DNM3: variants seen among roughly 807,000 people sequenced by gnomAD.
DNM3 encodes dynamin-3.
In DNM3, 47 loss-of-function variants were observed where a neutral mutation model predicts 101.6. That is an observed-to-expected ratio of 0.46 (90% confidence interval 0.37 to 0.59). The LOEUF is 0.59. Ranked by LOEUF, DNM3 falls within the 20% of genes least tolerant of loss-of-function variation. The pLI is 0.00. For missense variants in DNM3, 849 were observed against 1,085.7 expected (o/e 0.78, Z 3.06); for synonymous variants, 385 against 387.9 (o/e 0.99, Z 0.09).
intron 1 of DNM3, among the ~76,000 whole-genome samples, chr1:171,859,411 A>C (rs900907869): frequency 6.6e-6 from 1 of 152,132 alleles, no homozygotes; most frequent in Non-Finnish European, 1.5e-5. Flanking sequence ...CTATCACTAA[A>C]TTGTGAGCCT....
chr1:172,198,742 T>C (rs2060045175), intron 14 of DNM3, among the ~76,000 whole-genome samples: 2 of 152,084 alleles, frequency 1.3e-5, no homozygotes, highest in African/African-American at 4.8e-5. Context: ...TTTATTTCTG[T>C]GGGTTAAGTA....
At chr1:172,391,530 G>GA (rs2149087276) in intron 20 of DNM3, among the ~76,000 whole-genome samples, 1 of 152,268 alleles carries the variant, frequency 6.6e-6, no homozygotes, top group African/African-American at 2.4e-5. Context: ...AAGAGAGAAC[G>GA]AGAGAAAGAA....
chr1:171,871,068 A>C (rs746672393), intron 1 of DNM3, among the ~76,000 whole-genome samples: 1 of 152,210 alleles, frequency 6.6e-6, no homozygotes, highest in African/African-American at 2.4e-5. Context: ...ATTCCAAAAG[A>C]TCTCAAATGG....
chr1:172,027,174 A>G (rs912153821), intron 4 of DNM3, among the ~76,000 whole-genome samples: 2 of 152,222 alleles, frequency 1.3e-5, no homozygotes, highest in African/African-American at 4.8e-5. Context: ...GACACTATGA[A>G]GAAACTGCAT....
chr1:171,853,143 G>A (rs1362364991), intron 1 of DNM3, among the ~76,000 whole-genome samples: 2 of 151,948 alleles, frequency 1.3e-5, no homozygotes, highest in Non-Finnish European at 2.9e-5. Flanking sequence ...GTGGTTAAGG[G>A]TGTTTTAGAG....
In DNM3 at chr1:172,132,842, CT is replaced by C; in HGVS notation, c.1659+1561del. ...GAGAAAACTAAAAATAAAACAAAAC[CT>C]TTTTTTAAAAAAGTCTTTTCTACAG... On this transcript the variant is annotated intron_variant, in intron 14 of 20. Coordinates refer to ENST00000627582, the MANE Select transcript of DNM3 (RefSeq NM_015569.5). The C allele has an allele frequency of 5.3e-6, 4 of 753,300 alleles. 1 individual carries two copies. The highest frequency in any genetic ancestry group is 2.3e-4 in the Middle Eastern group (1 of 4,404). The allele number at this position is 753,300 out of a possible 1,614,324, so 46.7% of individuals were successfully genotyped here.
chr1:172,147,132 C>T (rs959379382), intron 14 of DNM3, among the ~76,000 whole-genome samples: 1 of 152,032 alleles, frequency 6.6e-6, no homozygotes, highest in African/African-American at 2.4e-5. Flanking sequence ...TTATTCTTGC[C>T]TACTCACCTG....
At chr1:172,272,374 CT>C (rs1262435585) in intron 15 of DNM3, among the ~76,000 whole-genome samples, 2 of 151,962 alleles carry the variant, frequency 1.3e-5, no homozygotes, top group Non-Finnish European at 2.9e-5. Context: ...GTGAAACTTG[CT>C]TTTTTTAAAA....
chr1:172,325,251 C>A (rs2148919210), intron 17 of DNM3, among the ~76,000 whole-genome samples: 1 of 152,256 alleles, frequency 6.6e-6, no homozygotes, highest in Middle Eastern at 3.4e-3. Context: ...TCAGGGTCTC[C>A]AGCTGCCCTC....
chr1:172,166,998 C>T (rs2058769300), intron 14 of DNM3, among the ~76,000 whole-genome samples: 1 of 151,710 alleles, frequency 6.6e-6, no homozygotes, highest in Non-Finnish European at 1.5e-5. Flanking sequence ...TATACATGTG[C>T]CATGTTGGTG....
At chr1:172,412,783 C>CTAAA (rs1372487065), downstream of DNM3, 3 of 962,976 alleles carry the variant, frequency 3.1e-6, no homozygotes, top group East Asian at 3.5e-4. Context: ...CCTGAGACTT[C>CTAAA]TAAATATTTA....
At chr1:171,990,118 A>C in intron 4 of DNM3, among the ~76,000 whole-genome samples, 1 of 152,148 alleles carries the variant, frequency 6.6e-6, no homozygotes, top group Middle Eastern at 3.2e-3. Context: ...TCTTGTTTTC[A>C]TAAATACAAT....
At chr1:171,914,589 C>T (rs1408877702) in intron 1 of DNM3, among the ~76,000 whole-genome samples, 4 of 151,858 alleles carry the variant, frequency 2.6e-5, no homozygotes, top group African/African-American at 9.7e-5. Flanking sequence ...CCTAGTATTC[C>T]GTATTTTGTA....
At chr1:172,201,975 G>T (rs2148488344) in intron 14 of DNM3, among the ~76,000 whole-genome samples, 1 of 152,254 alleles carries the variant, frequency 6.6e-6, no homozygotes, top group African/African-American at 2.4e-5. Context: ...GTGCTTCCCT[G>T]CAAGAAGGAG....
intron 1 of DNM3, among the ~76,000 whole-genome samples, chr1:171,865,979 C>A (rs1444825020): frequency 6.6e-6 from 1 of 152,174 alleles, no homozygotes; most frequent in Non-Finnish European, 1.5e-5. Context: ...TGTGTATTCT[C>A]TTAATCAACA....
At chr1:172,312,162 A>AACC (rs2065109556) in intron 16 of DNM3, among the ~76,000 whole-genome samples, 1 of 152,246 alleles carries the variant, frequency 6.6e-6, no homozygotes, top group South Asian at 2.1e-4. Context: ...AAGTCAGAAT[A>AACC]ACCTAATAAC....
intron 17 of DNM3, among the ~76,000 whole-genome samples, chr1:172,335,926 A>G (rs1158061411): frequency 6.6e-6 from 1 of 152,146 alleles, no homozygotes; most frequent in Non-Finnish European, 1.5e-5. Flanking sequence ...CTGCACGTTT[A>G]CCCCCTGAAT....
intron 2 of DNM3, among the ~76,000 whole-genome samples, chr1:171,954,366 C>A (rs2042723101): frequency 6.6e-6 from 1 of 152,150 alleles, no homozygotes; most frequent in Non-Finnish European, 1.5e-5. Context: ...AGCTTACTAT[C>A]TAACCTCGTC....
intron 12 of DNM3, among the ~76,000 whole-genome samples, chr1:172,087,464 A>C (rs1446825099): frequency 1.3e-5 from 2 of 152,136 alleles, no homozygotes; most frequent in Admixed American, 1.3e-4. Flanking sequence ...TCTATTGGAC[A>C]TCTCTACTTA....
Sources: allele counts gnomAD v4.1 joint callset (sites outside exome capture counted in the v4.1 genomes callset), GRCh38; gene constraint gnomAD v4.1.1; transcripts MANE v1.5; gene names NCBI Gene and HGNC (gene_info 2026-07-23, HGNC 2026-07-21).